CFHR2: variants seen among roughly 807,000 people sequenced by gnomAD.
CFHR2 encodes complement factor H-related protein 2.
A neutral mutation model predicts 21.7 loss-of-function variants in CFHR2; 22 were observed. The observed-to-expected ratio is 1.01, with a 90% CI of 0.72 to 1.45. CFHR2 has a LOEUF of 1.45. Among genes scored for constraint, CFHR2 ranks in the 40% most tolerant of loss-of-function variants. CFHR2 has a pLI of 0.00. For synonymous variants in CFHR2, 98 were observed against 97.4 expected (o/e 1.01, Z -0.04); for missense variants, 294 against 293.3 (o/e 1.00, Z -0.02).
At chr1:196,950,728 C>T (rs1360289387) in intron 2 of CFHR2, 124 bp from the exon 3 acceptor site, 1 of 1,088,682 alleles carries the variant, frequency 9.2e-7, no homozygotes, top group Non-Finnish European at 1.3e-6. Flanking sequence ...TCACCTCAGC[C>T]TCCCAAAGTG....
chr1:196,946,494 ATT>A (rs200765410), intron 1 of CFHR2, among the ~76,000 whole-genome samples: 1 of 148,216 alleles, frequency 6.7e-6, no homozygotes, highest in Non-Finnish European at 1.5e-5. Context: ...TGTACAAAAG[ATT>A]TTTTCTTTCT....
rs201838824 is a variant in CFHR2, at chr1:196,945,777, A to AGTGTGTGT, written c.58+1860_58+1867dup. Among the ~76,000 whole-genome samples, 445 of 142,924 alleles carry AGTGTGTGT rather than the reference A, an allele frequency of 3.1e-3. 1 individual carries two copies. Among genetic ancestry groups the AGTGTGTGT allele is most frequent in the Middle Eastern group, 0.028 (8 of 284 alleles). 93.8% of individuals were successfully genotyped at this position (142,924 alleles called of 152,430 possible). A position where few individuals can be genotyped will look rare whatever the true frequency, so the allele number is the denominator to read the frequency against. On this transcript the variant is annotated intron_variant, in intron 1 of 4. Transcript: ENST00000367415. ...GGCTATATATAGGTGACTGTGAGTG[A>AGTGTGTGT]GTGTGTGTGTGTGTGTGTGTGTGTG...
In CFHR2 at chr1:196,954,903, G is replaced by A. The variant is rs1297093724; in HGVS notation, c.431-2988G>A. Among the ~76,000 whole-genome samples, 7 of 152,230 alleles carry A rather than the reference G, an allele frequency of 4.6e-5. 1 individual carries two copies. Among genetic ancestry groups the A allele is most frequent in the Admixed American group, 4.6e-4 (7 of 15,286 alleles). Reference sequence around the variant, plus strand: ...CCATGAAAATATTTTTCCCTGCTAGGCCTTTGGGCCTGTGATTGGGAAAGC... The same window carrying A: ...CCATGAAAATATTTTTCCCTGCTAGACCTTTGGGCCTGTGATTGGGAAAGC... On this transcript the variant is annotated intron_variant, in intron 3 of 4. Coordinates refer to ENST00000367415, the MANE Select transcript of CFHR2 (RefSeq NM_005666.4).
intron 1 of CFHR2, among the ~76,000 whole-genome samples, chr1:196,947,620 T>C (rs1659558910): frequency 6.6e-6 from 1 of 152,172 alleles, no homozygotes; most frequent in South Asian, 2.1e-4. Flanking sequence ...TCTAGACAGA[T>C]GAAAAAGAGA....
intron 2 of CFHR2, among the ~76,000 whole-genome samples, chr1:196,950,352 A>G (rs1444091779): frequency 6.6e-6 from 1 of 152,228 alleles, no homozygotes; most frequent in African/African-American, 2.4e-5. Flanking sequence ...GTACATATAA[A>G]GGAACCAAAA....
intron 4 of CFHR2, 99 bp from the exon 5 acceptor site, chr1:196,958,778 GAAGT>G: frequency 4.3e-6 from 3 of 699,490 alleles, no homozygotes; most frequent in South Asian, 2.1e-5. Context: ...AGGATTTTGA[GAAGT>G]AATTCCTCAA....
In CFHR2 at chr1:196,947,451, C is replaced by T. The variant is rs189928422; in HGVS notation, c.59-2004C>T. On this transcript the variant is annotated intron_variant, in intron 1 of 4. Coordinates refer to ENST00000367415, the MANE Select transcript of CFHR2 (RefSeq NM_005666.4). ...ATAATTTTGGAGGAGTGAAGGATAA[C>T]TAAAAGAGTTATGGTAGGTTAATAC... is the stretch of plus-strand genomic sequence containing the variant. 7.7e-3 allele frequency among the ~76,000 whole-genome samples: 1,166 copies of T among 152,194 alleles called. 19 individuals carry two copies. Among genetic ancestry groups the T allele is most frequent in the African/African-American group, 0.027 (1,113 of 41,544 alleles).
At chr1:196,958,189 G>A (rs899314245) in intron 4 of CFHR2, 116 bp downstream of exon 4, 1 of 1,036,304 alleles carries the variant, frequency 9.6e-7, no homozygotes, top group Non-Finnish European at 1.4e-6. Flanking sequence ...CTGAATGCTT[G>A]CCTACCAAAT....
intron 3 of CFHR2, among the ~76,000 whole-genome samples, chr1:196,955,026 T>A (rs1350302050): frequency 6.6e-6 from 1 of 152,258 alleles, no homozygotes; most frequent in Non-Finnish European, 1.5e-5. Context: ...TGCAGCAGGA[T>A]TGAATTACTC....
intron 3 of CFHR2, among the ~76,000 whole-genome samples, chr1:196,952,450 T>G (rs1652650866): frequency 6.6e-6 from 1 of 152,088 alleles, no homozygotes; most frequent in South Asian, 2.1e-4. Flanking sequence ...AAAATTGCAG[T>G]GATTGAATAG....
intron 3 of CFHR2, among the ~76,000 whole-genome samples, chr1:196,957,083 T>C (rs1161333233): frequency 3.3e-5 from 5 of 152,158 alleles, no homozygotes; most frequent in Non-Finnish European, 7.4e-5. Flanking sequence ...ATGTAAGTTA[T>C]TGTTAAAAAT....
At chr1:196,944,765 A>C (rs1659412688) in intron 1 of CFHR2, among the ~76,000 whole-genome samples, 1 of 151,858 alleles carries the variant, frequency 6.6e-6, no homozygotes, top group Non-Finnish European at 1.5e-5. Flanking sequence ...TTGAACTTTT[A>C]TTTGAACAGT....
At chr1:196,948,524 C>T (rs1659603382) in intron 1 of CFHR2, among the ~76,000 whole-genome samples, 1 of 152,146 alleles carries the variant, frequency 6.6e-6, no homozygotes, top group Non-Finnish European at 1.5e-5. Context: ...GATCCACCTA[C>T]CTCAGCCTCC....
At chr1:196,954,700 C>A (rs1044141406) in intron 3 of CFHR2, among the ~76,000 whole-genome samples, 1 of 152,182 alleles carries the variant, frequency 6.6e-6, no homozygotes, top group Non-Finnish European at 1.5e-5. Context: ...CAAATCTTGT[C>A]TTCTGTGCAC....
intron 3 of CFHR2, among the ~76,000 whole-genome samples, chr1:196,952,334 T>A (rs1465728000): frequency 6.6e-6 from 1 of 152,080 alleles, no homozygotes; most frequent in East Asian, 1.9e-4. Context: ...ACTGTGACAG[T>A]TTTTCAGTAA....
chr1:196,950,828 T>C (rs1659697162), intron 2 of CFHR2, 24 bp from the exon 3 acceptor site: 1 of 1,611,736 alleles, frequency 6.2e-7, no homozygotes, highest in Non-Finnish European at 8.5e-7. Flanking sequence ...CCATCTTGTC[T>C]ATTAATCTGT....
intron 1 of CFHR2, among the ~76,000 whole-genome samples, chr1:196,948,150 T>C (rs1394456864): frequency 1.3e-5 from 2 of 152,144 alleles, no homozygotes; most frequent in African/African-American, 4.8e-5. Context: ...CCTCAAGGAA[T>C]TGGTTCCAGG....
intron 1 of CFHR2, among the ~76,000 whole-genome samples, chr1:196,949,031 G>T (rs914285052): frequency 1.3e-5 from 2 of 150,270 alleles, no homozygotes; most frequent in African/African-American, 5.0e-5. Flanking sequence ...CAGAGTTTCT[G>T]GTGGAGATAC....
intron 3 of CFHR2, among the ~76,000 whole-genome samples, chr1:196,954,339 G>A (rs1276170192): frequency 2.6e-5 from 4 of 152,216 alleles, no homozygotes; most frequent in African/African-American, 7.2e-5. Flanking sequence ...CCAAGGCCTT[G>A]GGTAGCTCCA....
Sources: allele counts gnomAD v4.1 joint callset (sites outside exome capture counted in the v4.1 genomes callset), GRCh38; gene constraint gnomAD v4.1.1; transcripts MANE v1.5; gene names NCBI Gene and HGNC (gene_info 2026-07-23, HGNC 2026-07-21).